CCDC110: variants seen among roughly 807,000 people sequenced by gnomAD.
CCDC110 encodes the protein coiled-coil domain-containing protein 110.
A neutral mutation model predicts 77.1 loss-of-function variants in CCDC110; 70 were observed. The observed-to-expected ratio is 0.91, with a 90% CI of 0.75 to 1.11. CCDC110 has a LOEUF of 1.11. CCDC110 is among the 50% of genes least tolerant of loss of function. The pLI, the probability that CCDC110 is intolerant of heterozygous loss-of-function variation, is 0.00. For missense variants in CCDC110, 868 were observed against 942.9 expected, an observed-to-expected ratio of 0.92 and a Z score of 1.04; for synonymous variants, 295 against 312.5, an observed-to-expected ratio of 0.94 and a Z score of 0.59.
At chr4:185,466,955 G>C (rs2095657446) in intron 2 of CCDC110, among the ~76,000 whole-genome samples, 1 of 152,166 alleles carries the variant, frequency 6.6e-6, no homozygotes, top group Non-Finnish European at 1.5e-5. Context: ...AGAAGACCTA[G>C]AATATGGGTT....
At chr4:185,462,400 T>C (rs1215543721) in intron 4 of CCDC110, among the ~76,000 whole-genome samples, 1 of 152,240 alleles carries the variant, frequency 6.6e-6, no homozygotes, top group African/African-American at 2.4e-5. Context: ...AGTCTATATA[T>C]AGACTTTAAA....
intron 3 of CCDC110, 24 bp downstream of exon 3, chr4:185,462,970 T>C (rs752558344): frequency 1.3e-6 from 2 of 1,590,970 alleles, no homozygotes; most frequent in Non-Finnish European, 1.7e-6. Context: ...ATTTTGGAGA[T>C]GATAAAATGG....
Position 185,471,007 on chromosome 4 carries a change from A to G in CCDC110, c.53T>C (p.Leu18Pro), listed in dbSNP as rs561889279. 6.3e-7 allele frequency: 1 copy of G among 1,599,196 alleles called. No homozygotes were observed. The highest frequency in any genetic ancestry group is 1.7e-5 in the Admixed American group (1 of 58,686). ...AGAATTTAGGATCTTGGACGCTGAA[A>G]GGAGAACGGAGTCAACTTCATCCTC... ...REEDEVDSVLLSASKILNSSE... is the reference protein window; with the variant it reads ...REEDEVDSVLPSASKILNSSE... Residue 18 changes from leucine (L) to proline (P), a missense_variant, in exon 2 of 7, where the codon CTT (leucine) becomes CCT (proline). By Grantham distance (98) the Leu-to-Pro change is moderately conservative. Coordinates refer to ENST00000307588, the MANE Select transcript of CCDC110 (RefSeq NM_152775.4).
In CCDC110 at chr4:185,459,055, A is replaced by AT. The variant is rs755233311; in HGVS notation, c.1531dup (p.Ile511AsnfsTer3). 1.5e-5 allele frequency: 24 copies of AT among 1,562,776 alleles called. No homozygotes were observed. In the African/African-American group the frequency reaches 2.9e-4, roughly 19 times the overall value. On this transcript the variant is annotated frameshift_variant, in exon 6 of 7. Transcript: ENST00000307588. LOFTEE classifies it high-confidence loss of function. ...TTGCAGAACATTATATTTACTAATT[A>AT]TTTTTTTAAATTCTTTAAGACACTC...
rs201429555 is a variant in CCDC110, at chr4:185,459,569, A to G, written c.1018T>C (p.Cys340Arg). 6.4e-5 allele frequency: 104 copies of G among 1,613,184 alleles called. No homozygotes were observed. The East Asian group carries it at 2.1e-3, about 33-fold the overall frequency. The change falls in exon 6 of 7, where the codon TGT becomes CGT. Residue 340 changes from cysteine (C) to arginine (R), a missense_variant. Cys to Arg is a radical substitution (Grantham distance 180). Transcript: ENST00000307588. ...SKFHVHFCRK[C>R]KKLSKSEMHR... ...ATTTCACTCTTAGATAACTTTTTAC[A>G]TTTTCTACAAAAATGCACATGGAAT... is the stretch of plus-strand genomic sequence containing the variant.
chr4:185,462,919 T>A, intron 3 of CCDC110, 75 bp downstream of exon 3: 1 of 1,248,836 alleles, frequency 8.0e-7, no homozygotes, highest in East Asian at 2.3e-5. Flanking sequence ...CGTTTGCATT[T>A]AGGGAGTATT....
rs1423420171 is a variant in CCDC110 at position 185,449,517 on chromosome 4, G to A, written c.2462-3975C>T. 4.0e-5 allele frequency: 34 copies of A among 858,474 alleles called. 1 individual carries two copies. Among genetic ancestry groups the A allele is most frequent in the Admixed American group, 9.4e-5 (3 of 31,772 alleles). 53.2% of individuals were successfully genotyped at this position (858,474 alleles called of 1,614,324 possible). ...CAGCCTGGGCAACAGAGCGAGACCC[G>A]GTCTTAAAAAAAAAAAAGAATGTAC... On this transcript the variant is annotated intron_variant, in intron 6 of 6. Coordinates refer to ENST00000307588, the MANE Select transcript of CCDC110 (RefSeq NM_152775.4).
At position 185,459,921 on chromosome 4, in the gene CCDC110, T is replaced by A; in HGVS notation, c.666A>T (p.Lys222Asn). Residue 222 changes from lysine (K) to asparagine (N), a missense_variant, in exon 6 of 7, where the codon AAA becomes AAT. Physicochemically the swap from Lys to Asn is moderately conservative, Grantham distance 94. Coordinates refer to ENST00000307588, the MANE Select transcript of CCDC110 (RefSeq NM_152775.4). ...MSQADTVILD[K>N]SKITVPFLKH... ...TGAGAAAAGGCACAGTAATTTTGGA[T>A]TTATCCAGAATTACTGTATCAGCTT... 5.0e-6 allele frequency: 8 copies of A among 1,613,916 alleles called. No homozygotes were observed. The highest frequency in any genetic ancestry group is 4.2e-6 in the Non-Finnish European group (5 of 1,179,926).
chr4:185,453,416 A>C (rs987261198), intron 6 of CCDC110, among the ~76,000 whole-genome samples: 2 of 152,216 alleles, frequency 1.3e-5, no homozygotes, highest in Non-Finnish European at 2.9e-5. Context: ...TTCCATGTGC[A>C]TTCCATATTA....
At chr4:185,451,231 T>TA (rs34100159) in intron 6 of CCDC110, among the ~76,000 whole-genome samples, 43,451 of 152,154 alleles carry the variant, frequency 0.29, 6,911 homozygotes, top group East Asian at 0.56. Flanking sequence ...TTTTTCTTTA[T>TA]AAATTATCCA....
chr4:185,463,168 C>T, intron 2 of CCDC110, 119 bp from the exon 3 acceptor site: 1 of 689,604 alleles, frequency 1.5e-6, no homozygotes, highest in Non-Finnish European at 2.5e-6. Flanking sequence ...ATGAGAACTT[C>T]TGATATTCAC....
chr4:185,446,421 C>A (rs1172369022), intron 6 of CCDC110, among the ~76,000 whole-genome samples: 1 of 152,156 alleles, frequency 6.6e-6, no homozygotes, highest in Non-Finnish European at 1.5e-5. Flanking sequence ...GCTCATGAGA[C>A]TACTGAGAAG....
At chr4:185,466,308 G>A (rs1024124800) in intron 2 of CCDC110, among the ~76,000 whole-genome samples, 1 of 152,156 alleles carries the variant, frequency 6.6e-6, no homozygotes, top group Non-Finnish European at 1.5e-5. Flanking sequence ...GTGGGAGGTG[G>A]AGGTTGCAGT....
chr4:185,463,124 T>A, intron 2 of CCDC110, 75 bp from the exon 3 acceptor site: 2 of 1,103,096 alleles, frequency 1.8e-6, no homozygotes, highest in South Asian at 1.3e-5. Flanking sequence ...TAGAAAGCAG[T>A]CTCCTAACTT....
At chr4:185,453,562 T>C (rs932072388) in intron 6 of CCDC110, among the ~76,000 whole-genome samples, 42 of 139,832 alleles carry the variant, frequency 3.0e-4, no homozygotes, top group Non-Finnish European at 4.3e-4. Context: ...TTTTTTTTTT[T>C]CCCGAGACAG....
intron 6 of CCDC110, chr4:185,452,403 A>G: frequency 1.0e-6 from 1 of 983,844 alleles, no homozygotes; most frequent in Non-Finnish European, 1.2e-6. Flanking sequence ...TGTTGACATA[A>G]CATGGAAGAA....
In CCDC110 at chr4:185,460,060, G is replaced by T. The variant is rs764042118; in HGVS notation, c.527C>A (p.Thr176Lys). The change falls in exon 6 of 7, where the codon ACA becomes AAA. Residue 176 changes from threonine to lysine, a missense_variant. Physicochemically the swap from Thr to Lys is moderately conservative, Grantham distance 78. Transcript: ENST00000307588. The stretch of plus-strand genomic sequence containing the variant: ...AATTATGTTTGAAGATAAATTGTCT[G>T]TTGAAGTTCTCAGAGTTAATGTGTC... ...SEDTLTLRTS[T>K]DNLSSNIIIH... is the part of the protein sequence containing the mutation. 2 of 1,613,800 alleles carry T rather than the reference G, an allele frequency of 1.2e-6. No individual in the cohort carries two copies. Among genetic ancestry groups the T allele is most frequent in the Non-Finnish European group, 1.7e-6 (2 of 1,179,880 alleles).
At chr4:185,456,406 TA>T in intron 6 of CCDC110, among the ~76,000 whole-genome samples, 1 of 140,808 alleles carries the variant, frequency 7.1e-6, no homozygotes, top group Middle Eastern at 3.5e-3. Flanking sequence ...AATTACTAAA[TA>T]GGAACAGAAA....
intron 6 of CCDC110, chr4:185,449,485 T>G: frequency 1.6e-6 from 1 of 639,710 alleles, no homozygotes; most frequent in South Asian, 2.3e-5. Flanking sequence ...ATTGCACCAC[T>G]GCACTCCAGC....
Sources: allele counts gnomAD v4.1 joint callset (sites outside exome capture counted in the v4.1 genomes callset), GRCh38; gene constraint gnomAD v4.1.1; transcripts MANE v1.5; gene names NCBI Gene and HGNC (gene_info 2026-07-23, HGNC 2026-07-21).